Variants in DEPTOR observed in about 807,000 individuals in gnomAD.
DEPTOR encodes DEP domain-containing mTOR-interacting protein.
A neutral mutation model predicts 41.6 loss-of-function variants in DEPTOR; 41 were observed. That is an observed-to-expected ratio of 0.98 (90% CI 0.77 to 1.28). The LOEUF is 1.28. Ranked by LOEUF, DEPTOR falls within the 50% of genes most tolerant of loss-of-function variation. The pLI, the probability that DEPTOR is intolerant of heterozygous loss-of-function variation, is 0.00. For missense variants in DEPTOR, 514 were observed against 527.9 expected, an observed-to-expected ratio of 0.97 and a Z score of 0.26; for synonymous variants, 195 against 192.3, an observed-to-expected ratio of 1.01 and a Z score of -0.12.
chr8:120,043,062 G>C (rs976145084), intron 8 of DEPTOR, among the ~76,000 whole-genome samples: 1 of 149,264 alleles, frequency 6.7e-6, no homozygotes, highest in Admixed American at 6.7e-5. Context: ...TGTTGGCCAG[G>C]CTGGTCTAGA....
chr8:119,898,807 C>CT (rs761808432), intron 1 of DEPTOR, among the ~76,000 whole-genome samples: 9 of 151,766 alleles, frequency 5.9e-5, no homozygotes, highest in Non-Finnish European at 1.3e-4. Context: ...AAATACTTCA[C>CT]TTAAATAGTT....
intron 1 of DEPTOR, among the ~76,000 whole-genome samples, chr8:119,894,943 A>C (rs13259990): frequency 0.5 from 75,393 of 152,068 alleles, 20,404 homozygotes; most frequent in East Asian, 0.92. Flanking sequence ...CATTTGTACC[A>C]CACGAGGCCA....
rs529093835 is a variant in DEPTOR at position 119,908,011 on chromosome 8, G to A, written c.123-20389G>A. Reference sequence around the variant, plus strand: ...GGACACCTAGCTAGCCTCATGATGAGGCTGGCCATCAGAAAGACCAAGTGA... The same window carrying A: ...GGACACCTAGCTAGCCTCATGATGAAGCTGGCCATCAGAAAGACCAAGTGA... On this transcript the variant is annotated intron_variant, in intron 1 of 8. Transcript: ENST00000286234. 3.9e-5 allele frequency among the ~76,000 whole-genome samples: 6 copies of A among 152,216 alleles called. No homozygotes were observed. The South Asian group carries it at 1.0e-3, about 26-fold the overall frequency.
chr8:120,022,452 C>A (rs895889185), intron 8 of DEPTOR, among the ~76,000 whole-genome samples: 2 of 152,110 alleles, frequency 1.3e-5, no homozygotes, highest in Admixed American at 1.3e-4. Flanking sequence ...AATTGATCTG[C>A]TATGGGTTTT....
intron 4 of DEPTOR, among the ~76,000 whole-genome samples, chr8:119,975,176 T>G (rs1828682650): frequency 6.6e-6 from 1 of 152,000 alleles, no homozygotes; most frequent in African/African-American, 2.4e-5. Flanking sequence ...CAAAAGGACA[T>G]TTCCTTTACA....
At chr8:119,981,015 A>G (rs1181556263) in intron 4 of DEPTOR, among the ~76,000 whole-genome samples, 1 of 152,200 alleles carries the variant, frequency 6.6e-6, no homozygotes, top group Non-Finnish European at 1.5e-5. Flanking sequence ...GTTTTTGATG[A>G]GGAAGCTAAA....
chr8:120,029,847 T>A (rs1812858952), intron 8 of DEPTOR, among the ~76,000 whole-genome samples: 1 of 152,186 alleles, frequency 6.6e-6, no homozygotes, highest in Non-Finnish European at 1.5e-5. Context: ...TAAATGGGCC[T>A]TACTCTTGGG....
At chr8:120,015,711 G>T (rs555567010) in intron 8 of DEPTOR, among the ~76,000 whole-genome samples, 19 of 152,260 alleles carry the variant, frequency 1.2e-4, no homozygotes, top group African/African-American at 4.1e-4. Context: ...GAGGGAGGGG[G>T]GCTCCAAAGC....
intron 3 of DEPTOR, among the ~76,000 whole-genome samples, chr8:119,958,352 A>G (rs1298929351): frequency 2.6e-5 from 4 of 152,116 alleles, no homozygotes; most frequent in Non-Finnish European, 5.9e-5. Context: ...TGGTGATTTC[A>G]GGAGGGCATT....
At chr8:119,970,416 T>G (rs1025826388) in intron 4 of DEPTOR, among the ~76,000 whole-genome samples, 10 of 152,168 alleles carry the variant, frequency 6.6e-5, no homozygotes, top group Non-Finnish European at 1.3e-4. Context: ...AGCTACCCTG[T>G]AGCTACTAGG....
chr8:119,951,699 T>C (rs899400216), intron 3 of DEPTOR, among the ~76,000 whole-genome samples: 1 of 152,158 alleles, frequency 6.6e-6, no homozygotes, highest in South Asian at 2.1e-4. Context: ...TTTTAGTCAG[T>C]TGATTAGAAG....
intron 7 of DEPTOR, among the ~76,000 whole-genome samples, chr8:120,007,914 C>T (rs1812469467): frequency 6.6e-6 from 1 of 152,188 alleles, no homozygotes; most frequent in Admixed American, 6.5e-5. Context: ...TTTCCTCAGT[C>T]TCCAGCATTC....
chr8:119,944,223 G>A (rs1828240260), intron 3 of DEPTOR, among the ~76,000 whole-genome samples: 2 of 152,156 alleles, frequency 1.3e-5, no homozygotes, highest in Non-Finnish European at 2.9e-5. Context: ...AAAGTGAGAC[G>A]AGTTCATCTC....
chr8:120,046,907 G>A, intron 8 of DEPTOR, among the ~76,000 whole-genome samples: 1 of 152,218 alleles, frequency 6.6e-6, no homozygotes. Flanking sequence ...TGTGGCAAAT[G>A]AGTGTCCATG....
At chr8:120,012,727 G>A (rs1768857203) in intron 8 of DEPTOR, among the ~76,000 whole-genome samples, 3 of 152,024 alleles carry the variant, frequency 2.0e-5, no homozygotes. Flanking sequence ...AGTAGAGACA[G>A]GGTTTCACCA....
chr8:120,001,418 G>A, intron 4 of DEPTOR, 107 bp from the exon 5 acceptor site: 1 of 998,252 alleles, frequency 1.0e-6, no homozygotes, highest in Non-Finnish European at 1.4e-6. Flanking sequence ...TGGAAGAGAA[G>A]TCTTTCTTGA....
In DEPTOR at chr8:119,929,846, C is replaced by G; in HGVS notation, c.333C>G (p.Val111=). 1 of 1,613,474 alleles carries G rather than the reference C, an allele frequency of 6.2e-7. No homozygotes were observed. Among genetic ancestry groups the G allele is most frequent in the Non-Finnish European group, 8.5e-7 (1 of 1,179,600 alleles). Residue 111 remains valine (V), a synonymous_variant, in exon 3 of 9, where the codon GTC becomes GTG. Coordinates refer to ENST00000286234, the MANE Select transcript of DEPTOR (RefSeq NM_022783.4). ...VCDEHKEFKD[V]KLFYRFRKDD... is the part of the protein sequence containing the mutation. Reference sequence around the variant, plus strand: ...ATGAGCATAAGGAATTCAAGGATGTCAAACTCTTCTACCGCTTTAGAAAGG... The same window carrying G: ...ATGAGCATAAGGAATTCAAGGATGTGAAACTCTTCTACCGCTTTAGAAAGG...
intron 3 of DEPTOR, among the ~76,000 whole-genome samples, chr8:119,932,858 G>A (rs937389271): frequency 6.6e-5 from 10 of 152,134 alleles, no homozygotes; most frequent in African/African-American, 2.4e-4. Context: ...GATATCTGGT[G>A]GAAGAACATC....
intron 4 of DEPTOR, among the ~76,000 whole-genome samples, chr8:119,977,344 A>C (rs926889392): frequency 2.6e-5 from 4 of 152,044 alleles, no homozygotes; most frequent in Non-Finnish European, 5.9e-5. Flanking sequence ...AGGCATTTGC[A>C]ACTGGTATAA....
Sources: allele counts gnomAD v4.1 joint callset (sites outside exome capture counted in the v4.1 genomes callset), GRCh38; gene constraint gnomAD v4.1.1; transcripts MANE v1.5; gene names NCBI Gene and HGNC (gene_info 2026-07-23, HGNC 2026-07-21).